PSMD13: variants seen among roughly 807,000 people sequenced by gnomAD.
The protein encoded by PSMD13 is proteasome 26S subunit, non-ATPase 13, also known as 26S proteasome non-ATPase regulatory subunit 13.
PSMD13 carries 8 observed loss-of-function variants against 57.4 expected under a neutral mutation model. That is an observed-to-expected ratio of 0.14 (90% confidence interval 0.08 to 0.25). The LOEUF is 0.25. Ranked by LOEUF, PSMD13 falls within the 10% of genes least tolerant of loss-of-function variation. The probability of loss-of-function intolerance (pLI) is 1.00; values close to 1 mark genes in which losing one functional copy is unlikely to be tolerated. For missense variants in PSMD13, 400 were observed against 461.5 expected, an observed-to-expected ratio of 0.87 and a Z score of 1.22; for synonymous variants, 193 against 168.2, an observed-to-expected ratio of 1.15 and a Z score of -1.14.
At chr11:240,451 C>A (rs895485694) in intron 2 of PSMD13, among the ~76,000 whole-genome samples, 2 of 152,150 alleles carry the variant, frequency 1.3e-5, no homozygotes, top group African/African-American at 4.8e-5. Context: ...GGTTCTAAAT[C>A]ATCACGATAG....
At position 247,444 on chromosome 11, in the gene PSMD13, A is replaced by C. The variant is rs771058984; in HGVS notation, c.564A>C (p.Leu188=). The change falls in exon 7 of 13, where the codon CTA becomes CTC. Residue 188 remains leucine (L), a synonymous_variant. Transcript: ENST00000532097. ...TGGGCTGTGTTGACATCAAGGATCT[A>C]CCAGGTAACCTAGGCCATTAAATCC... The part of the protein sequence containing the change: ...RFLGCVDIKD[L]PVSEQQERAF... 1 of 1,613,236 alleles carries C rather than the reference A, an allele frequency of 6.2e-7. No homozygotes were observed. Among genetic ancestry groups the C allele is most frequent in the Non-Finnish European group, 8.5e-7 (1 of 1,179,662 alleles).
chr11:244,819 A>G lies in PSMD13; in HGVS notation c.396+58A>G, dbSNP rs1251216221. ...TTTAAAATTATTTAAAACCCTAGGA[A>G]AAAAAATAACCTATTTTTCTTCTTT... On this transcript the variant is annotated intron_variant, in intron 6 of 12. Transcript: ENST00000532097. 2.3e-6 allele frequency: 3 copies of G among 1,323,746 alleles called. No homozygotes were observed. In the East Asian group the frequency reaches 7.4e-5, roughly 33 times the overall value. The allele number at this position is 1,323,746 out of a possible 1,614,324, so 82.0% of individuals were successfully genotyped here.
chr11:250,037 G>T (rs1396040846), intron 9 of PSMD13, among the ~76,000 whole-genome samples: 1 of 144,336 alleles, frequency 6.9e-6, no homozygotes, highest in East Asian at 2.0e-4. Flanking sequence ...GCAATTTAAA[G>T]AAAAAAAAAA....
Position 247,420 on chromosome 11 carries a change from G to C in PSMD13, c.540G>C (p.Leu180Phe). 1 of 1,594,664 alleles carries C rather than the reference G, an allele frequency of 6.3e-7. No homozygotes were observed. The highest frequency in any genetic ancestry group is 8.6e-7 in the Non-Finnish European group (1 of 1,168,102). Residue 180 changes from leucine (L) to phenylalanine (F), a missense_variant, in exon 7 of 13, where the codon TTG (leucine) becomes TTC (phenylalanine). Coordinates refer to ENST00000532097, the MANE Select transcript of PSMD13 (RefSeq NM_002817.4). ...ASYYKDALRF[L>F]GCVDIKDLPV... ...ACTACAAAGATGCTCTGCGGTTTTT[G>C]GGCTGTGTTGACATCAAGGATCTAC...
intron 2 of PSMD13, chr11:243,238 A>G: frequency 3.8e-6 from 2 of 523,464 alleles, no homozygotes; most frequent in South Asian, 3.4e-5. Context: ...GTGGTGGGAA[A>G]TGTACAAGAT....
intron 7 of PSMD13, 91 bp downstream of exon 7, chr11:247,539 T>C: frequency 6.9e-7 from 1 of 1,448,670 alleles, no homozygotes; most frequent in Non-Finnish European, 9.4e-7. Context: ...TCTCAGAAAT[T>C]ACTAAGGTGG....
At chr11:246,411 G>A (rs369206689) in intron 6 of PSMD13, among the ~76,000 whole-genome samples, 14 of 152,094 alleles carry the variant, frequency 9.2e-5, no homozygotes, top group East Asian at 1.9e-4. Context: ...CTGAGGCAGC[G>A]AATTGCTTCA....
chr11:252,916 A>C lies in PSMD13; in HGVS notation c.*316A>C. 1 of 274,634 alleles carries C rather than the reference A, an allele frequency of 3.6e-6. No homozygotes were observed. Among genetic ancestry groups the C allele is most frequent in the Non-Finnish European group, 7.1e-6 (1 of 140,276 alleles). 17.0% of individuals were successfully genotyped at this position (274,634 alleles called of 1,614,324 possible). A position where few individuals can be genotyped will look rare whatever the true frequency, so the allele number is the denominator to read the frequency against. The stretch of plus-strand genomic sequence containing the variant: ...CCGAGGTGGATCTCCATCCCCATCC[A>C]CCTGTACGGACATCTTTTCCGTTGC... On this transcript the variant is annotated 3_prime_UTR_variant, in exon 13 of 13. Coordinates refer to ENST00000532097, the MANE Select transcript of PSMD13 (RefSeq NM_002817.4). This position sits in a 1 kb window ranked among gnomAD's most constrained non-coding sequence, Gnocchi z 4.1.
Position 252,642 on chromosome 11 carries a change from G to C in PSMD13, c.*42G>C. The C allele has an allele frequency of 6.3e-7, 1 of 1,588,710 alleles. No individual in the cohort carries two copies. The highest frequency in any genetic ancestry group is 8.6e-7 in the Non-Finnish European group (1 of 1,157,952). On this transcript the variant is annotated 3_prime_UTR_variant, in exon 13 of 13. Transcript: ENST00000532097. The surrounding 1 kb of genome is among the most constrained non-coding windows in gnomAD (Gnocchi z 4.1). Reference sequence around the variant, plus strand: ...GTCGTGTCTCCTTTGACTCACCTGAGAGAGGCGTTTGCAGCCAATGAAGCT... The same window carrying C: ...GTCGTGTCTCCTTTGACTCACCTGACAGAGGCGTTTGCAGCCAATGAAGCT...
chr11:240,099 TGC>T (rs1273806123), intron 2 of PSMD13, among the ~76,000 whole-genome samples: 1 of 132,058 alleles, frequency 7.6e-6, no homozygotes, highest in African/African-American at 2.8e-5. Context: ...AAATGAGACC[TGC>T]TTTTTTTTTT....
At chr11:237,219 A>G in intron 1 of PSMD13, 75 bp downstream of exon 1, 2 of 1,410,944 alleles carry the variant, frequency 1.4e-6, no homozygotes, top group South Asian at 1.2e-5. Flanking sequence ...GGAGGAGCGG[A>G]CCCTTGATGG....
chr11:245,059 A>C (rs1165488770), intron 6 of PSMD13, among the ~76,000 whole-genome samples: 1 of 151,132 alleles, frequency 6.6e-6, no homozygotes, highest in African/African-American at 2.4e-5. Context: ...TCCTGCCTCA[A>C]CCTCCTGAGT....
intron 6 of PSMD13, 133 bp downstream of exon 6, chr11:244,894 C>A: frequency 3.6e-4 from 188 of 520,568 alleles, no homozygotes; most frequent in East Asian, 4.6e-4. Flanking sequence ...GCAAAAATAA[C>A]ACAAAGAACT....
In PSMD13 at chr11:244,203, T is replaced by C. The variant is rs1315427620; in HGVS notation, c.252T>C (p.Val84=). Residue 84 remains valine (V), a synonymous_variant, in exon 4 of 13, where the codon GTT becomes GTC. Coordinates refer to ENST00000532097, the MANE Select transcript of PSMD13 (RefSeq NM_002817.4). ...LSLVEIILHV[V]RQMTDPNVAL... ...TCGTGGAAATCATTCTTCATGTAGT[T>C]AGACAGATGACTGGTAAGTCTCACT... 1 of 1,610,632 alleles carries C rather than the reference T, an allele frequency of 6.2e-7. No homozygotes were observed. The highest frequency in any genetic ancestry group is 1.3e-5 in the African/African-American group (1 of 74,806).
In PSMD13 at chr11:237,000, C is replaced by A. The variant is rs778978150; in HGVS notation, c.-50C>A. The stretch of plus-strand genomic sequence containing the variant: ...TGAGCATTTCCGGCAGCCATCCCCG[C>A]GGTGCTGACATCCCGGTTGTTCTTC... On this transcript the variant is annotated 5_prime_UTR_variant, in exon 1 of 13. Transcript: ENST00000532097. 3.4e-6 allele frequency: 5 copies of A among 1,479,126 alleles called. No individual in the cohort carries two copies. Among genetic ancestry groups the A allele is most frequent in the Non-Finnish European group, 4.7e-6 (5 of 1,061,446 alleles). The allele number at this position is 1,479,126 out of a possible 1,614,324, so 91.6% of individuals were successfully genotyped here.
At chr11:238,752 A>G (rs1261952175) in intron 1 of PSMD13, among the ~76,000 whole-genome samples, 1 of 152,252 alleles carries the variant, frequency 6.6e-6, no homozygotes, top group Admixed American at 6.5e-5. Flanking sequence ...TTTGCGATAT[A>G]TACTTACCCG....
At position 251,518 on chromosome 11, in the gene PSMD13, T is replaced by A; in HGVS notation, c.838-28T>A. On this transcript the variant is annotated intron_variant, in intron 10 of 12. Coordinates refer to ENST00000532097, the MANE Select transcript of PSMD13 (RefSeq NM_002817.4). This position sits in a 1 kb window ranked among gnomAD's most constrained non-coding sequence, Gnocchi z 4.6. ...CTCTATTTTTATTTGGAAAAATAGTTTAAAATAGTTAATAAAATTTTTTCC... is the reference window on the plus strand; with the variant it reads ...CTCTATTTTTATTTGGAAAAATAGTATAAAATAGTTAATAAAATTTTTTCC... 6.4e-7 allele frequency: 1 copy of A among 1,557,130 alleles called. No individual in the cohort carries two copies. The highest frequency in any genetic ancestry group is 8.8e-7 in the Non-Finnish European group (1 of 1,133,980).
Position 251,029 on chromosome 11 carries a change from C to T in PSMD13, c.837+164C>T. ...CTTCCTTTTCCTTTGCTACCACTTG[C>T]TCTTCTAAGTTTATATTTGGCTCTT... On this transcript the variant is annotated intron_variant, in intron 10 of 12. Coordinates refer to ENST00000532097, the MANE Select transcript of PSMD13 (RefSeq NM_002817.4). The surrounding 1 kb of genome is among the most constrained non-coding windows in gnomAD (Gnocchi z 4.6). 1 of 658,062 alleles carries T rather than the reference C, an allele frequency of 1.5e-6. No homozygotes were observed. Among genetic ancestry groups the T allele is most frequent in the Non-Finnish European group, 2.6e-6 (1 of 378,684 alleles). 40.8% of individuals were successfully genotyped at this position (658,062 alleles called of 1,614,324 possible).
chr11:252,388 A>C lies in PSMD13; in HGVS notation c.1036-117A>C. ...CCAGCTCAGAGGTCCTTTTTACTAG[A>C]GCTGCCCTAGAGAGTTAGCTGGAGA... is the stretch of plus-strand genomic sequence containing the variant. On this transcript the variant is annotated intron_variant, in intron 12 of 12. Transcript: ENST00000532097. The surrounding 1 kb of genome is among the most constrained non-coding windows in gnomAD (Gnocchi z 4.1). 1 of 907,236 alleles carries C rather than the reference A, an allele frequency of 1.1e-6. No homozygotes were observed. Among genetic ancestry groups the C allele is most frequent in the Non-Finnish European group, 1.8e-6 (1 of 560,186 alleles). 56.2% of individuals were successfully genotyped at this position (907,236 alleles called of 1,614,324 possible).
Sources: gnomAD v4.1 joint callset for allele counts (sites outside exome capture counted in the v4.1 genomes callset) on GRCh38, gnomAD v4.1.1 for gene constraint, Gnocchi (gnomAD v3.1) non-coding constraint, MANE v1.5 for transcripts, NCBI Gene and HGNC (gene_info 2026-07-23, HGNC 2026-07-21) for gene names.